NTM: variants seen among roughly 807,000 people sequenced by gnomAD.
NTM encodes neurotrimin.
NTM carries 13 observed loss-of-function variants against 42.1 expected under a neutral mutation model. The ratio of observed to expected loss-of-function variants is 0.31; its 90% CI spans 0.20 to 0.49. NTM has a LOEUF of 0.49. NTM is among the 20% of genes least tolerant of loss of function. NTM has a pLI of 0.99. For missense variants in NTM, 373 were observed against 452.8 expected, an observed-to-expected ratio of 0.82 and a Z score of 1.60; for synonymous variants, 187 against 179.2, an observed-to-expected ratio of 1.04 and a Z score of -0.35.
intron 3 of NTM, among the ~76,000 whole-genome samples, chr11:132,162,188 A>AGTGTGTATGTGG (rs58823361): frequency 0.54 from 81,781 of 150,140 alleles, 23,665 homozygotes; most frequent in African/African-American, 0.75. Context: ...TTTTGGGGGG[A>AGTGTGTATGTGG]GTGTGTATGT....
chr11:131,745,370 T>G (rs957693867), intron 1 of NTM, among the ~76,000 whole-genome samples: 3 of 152,172 alleles, frequency 2.0e-5, no homozygotes, highest in African/African-American at 4.8e-5. Context: ...TATCAAAACC[T>G]GCCTTGCAAG....
At chr11:131,543,677 C>T (rs2053568470) in intron 1 of NTM, among the ~76,000 whole-genome samples, 1 of 152,192 alleles carries the variant, frequency 6.6e-6, no homozygotes, top group Non-Finnish European at 1.5e-5. Context: ...GCACAGCTTC[C>T]CCTAATTCTG....
At chr11:131,401,844 A>ATG (rs1945263430) in intron 1 of NTM, among the ~76,000 whole-genome samples, 1 of 101,082 alleles carries the variant, frequency 9.9e-6, no homozygotes, top group Non-Finnish European at 2.0e-5. Context: ...ATATATATAT[A>ATG]TATATATATA....
chr11:131,734,509 A>G (rs1283579375), intron 1 of NTM, among the ~76,000 whole-genome samples: 2 of 152,212 alleles, frequency 1.3e-5, no homozygotes, highest in East Asian at 1.9e-4. Flanking sequence ...AGGAACCCAG[A>G]TATAAATAAG....
intron 4 of NTM, among the ~76,000 whole-genome samples, chr11:132,276,266 A>C (rs570185012): frequency 6.6e-6 from 1 of 152,202 alleles, no homozygotes; most frequent in African/African-American, 2.4e-5. Context: ...GGTTGGTTTC[A>C]TATCTTGTCT....
intron 1 of NTM, among the ~76,000 whole-genome samples, chr11:131,709,871 G>A (rs1327588315): frequency 6.6e-6 from 1 of 152,182 alleles, no homozygotes; most frequent in Non-Finnish European, 1.5e-5. Flanking sequence ...CTGCAAAGAG[G>A]TCAAGAGGAA....
intron 2 of NTM, among the ~76,000 whole-genome samples, chr11:131,972,486 C>T: frequency 6.6e-6 from 1 of 152,072 alleles, no homozygotes; most frequent in East Asian, 1.9e-4. Context: ...CTTAATGTAA[C>T]AAAAGGTAGG....
chr11:132,256,445 A>G (rs2092476136), intron 4 of NTM, among the ~76,000 whole-genome samples: 1 of 152,166 alleles, frequency 6.6e-6, no homozygotes, highest in Admixed American at 6.5e-5. Context: ...GGCCTCTGCA[A>G]TGGATACACT....
At chr11:131,609,496 A>G (rs112844509) in intron 1 of NTM, among the ~76,000 whole-genome samples, 185 of 152,288 alleles carry the variant, frequency 1.2e-3, no homozygotes, top group Non-Finnish European at 2.0e-3. Flanking sequence ...GTCTGCTTTC[A>G]TGCTGTGTGG....
At chr11:131,585,224 G>T (rs975823401) in intron 1 of NTM, among the ~76,000 whole-genome samples, 22 of 152,020 alleles carry the variant, frequency 1.4e-4, no homozygotes, top group African/African-American at 5.1e-4. Flanking sequence ...GATTCCGGAG[G>T]GGTTTTTCCC....
chr11:131,424,595 C>CTTTCTTTTTTTTTTTTTT (rs1947868756), intron 1 of NTM, among the ~76,000 whole-genome samples: 1 of 39,616 alleles, frequency 2.5e-5, no homozygotes, highest in Non-Finnish European at 5.0e-5. Flanking sequence ...TATTTCTTTT[C>CTTTCTTTTTTTTTTTTTT]TTTTCTTTTT....
At chr11:132,296,278 A>G (rs1159441180) in intron 4 of NTM, among the ~76,000 whole-genome samples, 2 of 152,202 alleles carry the variant, frequency 1.3e-5, no homozygotes, top group Non-Finnish European at 2.9e-5. Context: ...GGCCATCTAC[A>G]GTGCTGAGAT....
At chr11:132,189,779 G>C (rs973130849) in intron 3 of NTM, among the ~76,000 whole-genome samples, 17 of 152,096 alleles carry the variant, frequency 1.1e-4, no homozygotes, top group Non-Finnish European at 2.5e-4. Flanking sequence ...ATGTCTTTTA[G>C]TACTGTAGAG....
At chr11:131,743,816 T>A (rs200781888) in intron 1 of NTM, among the ~76,000 whole-genome samples, 1 of 152,180 alleles carries the variant, frequency 6.6e-6, no homozygotes, top group East Asian at 1.9e-4. Context: ...TTTTGATGTA[T>A]CCAGTACTTG....
At chr11:131,692,485 C>CATCT (rs1445020060) in intron 1 of NTM, among the ~76,000 whole-genome samples, 2 of 152,190 alleles carry the variant, frequency 1.3e-5, no homozygotes, top group Non-Finnish European at 1.5e-5. Flanking sequence ...AAGCCTAGAC[C>CATCT]ATCTCCCAGG....
chr11:131,455,744 T>C (rs994742180), intron 1 of NTM, among the ~76,000 whole-genome samples: 1 of 152,142 alleles, frequency 6.6e-6, no homozygotes. Flanking sequence ...GTGGACATGC[T>C]GGGAGTGGTG....
At chr11:131,413,893 A>T (rs550831558) in intron 1 of NTM, among the ~76,000 whole-genome samples, 1 of 152,252 alleles carries the variant, frequency 6.6e-6, no homozygotes, top group African/African-American at 2.4e-5. Flanking sequence ...CGAGGAGGGC[A>T]GGGGAGACCA....
In NTM at chr11:131,649,673, G is replaced by A. The variant is rs138187151; in HGVS notation, c.83-261891G>A. ...CTCTGTATGTGTGTGTTTGGGTGGG[G>A]GGAGGCGGTGCATGTAGTTTAAGCC... On this transcript the variant is annotated intron_variant, in intron 1 of 8. Transcript: ENST00000683400. 2.9e-4 allele frequency among the ~76,000 whole-genome samples: 44 copies of A among 152,294 alleles called. 1 individual carries two copies. In the East Asian group the frequency reaches 8.3e-3, roughly 29 times the overall value.
At position 132,314,572 on chromosome 11, in the gene NTM, G is replaced by A. The variant is rs373317774; in HGVS notation, c.803G>A (p.Gly268Glu). The A allele has an allele frequency of 2.9e-5, 46 of 1,612,798 alleles. No individual in the cohort carries two copies. The highest frequency in any genetic ancestry group is 3.6e-5 in the Non-Finnish European group (43 of 1,179,520). Residue 268 changes from glycine (G) to glutamate (E), a missense_variant, in exon 7 of 9, where the codon GGG (glycine) becomes GAG (glutamate). Gly to Glu is a moderately conservative substitution (Grantham distance 98). Around this residue, in one of 3 missense-constraint regions of NTM, gnomAD observed 312 missense variants for 353.5 expected, o/e 0.88. Transcript: ENST00000683400. Reference sequence around the variant, plus strand: ...CTCAGACTGATTGAAGGAAAGAAAGGGGTGAAAGTGGAAAACAGACCTTTC... The same window carrying A: ...CTCAGACTGATTGAAGGAAAGAAAGAGGTGAAAGTGGAAAACAGACCTTTC... ...DDKRLIEGKK[G>E]VKVENRPFLS...
Sources: allele counts gnomAD v4.1 joint callset (sites outside exome capture counted in the v4.1 genomes callset), GRCh38; gene constraint gnomAD v4.1.1; regional missense constraint gnomAD v4.1.1; transcripts MANE v1.5; gene names NCBI Gene and HGNC (gene_info 2026-07-23, HGNC 2026-07-21).